Variants in FHOD3 observed in about 807,000 individuals in gnomAD.
FHOD3 encodes the protein formin homology 2 domain containing 3, also known as FH1/FH2 domain-containing protein 3.
A neutral mutation model predicts 173.0 loss-of-function variants in FHOD3; 90 were observed. The ratio of observed to expected loss-of-function variants is 0.52; its 90% CI spans 0.44 to 0.62. The LOEUF (loss-of-function observed/expected upper bound fraction) is 0.62, where lower values mean the gene tolerates loss of function less well. Ranked by LOEUF, FHOD3 falls within the 20% of genes least tolerant of loss-of-function variation. The pLI is 0.00. For synonymous variants in FHOD3, 828 were observed against 823.0 expected, an observed-to-expected ratio of 1.01 and a Z score of -0.10; for missense variants, 1,945 against 2,034.7, an observed-to-expected ratio of 0.96 and a Z score of 0.85.
chr18:36,655,582 T>C (rs2036368012), intron 13 of FHOD3, among the ~76,000 whole-genome samples: 1 of 152,240 alleles, frequency 6.6e-6, no homozygotes, highest in South Asian at 2.1e-4. Context: ...CAGCAGGAAC[T>C]TGGATACTGT....
intron 3 of FHOD3, among the ~76,000 whole-genome samples, chr18:36,419,904 G>A (rs2049899753): frequency 6.6e-6 from 1 of 152,224 alleles, no homozygotes; most frequent in Non-Finnish European, 1.5e-5. Flanking sequence ...TCTGGAGCAT[G>A]GTCTACTGGG....
chr18:36,326,800 C>G (rs1018561347), intron 1 of FHOD3, among the ~76,000 whole-genome samples: 6 of 152,086 alleles, frequency 3.9e-5, no homozygotes, highest in African/African-American at 1.4e-4. Flanking sequence ...AATTGCTATA[C>G]TTCTTGAGAA....
intron 3 of FHOD3, among the ~76,000 whole-genome samples, chr18:36,483,806 G>A (rs1276749618): frequency 6.6e-6 from 1 of 152,204 alleles, no homozygotes; most frequent in African/African-American, 2.4e-5. Context: ...GCCCTCTGGA[G>A]CAGATGTCGA....
At chr18:36,508,669 A>G (rs939772920) in intron 4 of FHOD3, among the ~76,000 whole-genome samples, 8 of 151,156 alleles carry the variant, frequency 5.3e-5, no homozygotes, top group African/African-American at 9.7e-5. Context: ...AAAACAGGTG[A>G]AAGATGCTAG....
chr18:36,729,324 C>CCCCAGGTGCCACCTGCA (rs1192485020), intron 19 of FHOD3, among the ~76,000 whole-genome samples: 7 of 152,164 alleles, frequency 4.6e-5, no homozygotes, highest in African/African-American at 1.7e-4. Flanking sequence ...TCCCACCTGC[C>CCCCAGGTGCCACCTGCA]CCCAGGTGCC....
At chr18:36,488,088 A>G (rs1016414821) in intron 3 of FHOD3, among the ~76,000 whole-genome samples, 1 of 152,042 alleles carries the variant, frequency 6.6e-6, no homozygotes, top group Non-Finnish European at 1.5e-5. Context: ...TTCTGATGCA[A>G]TTTTCTTTGC....
At chr18:36,519,951 T>C (rs2056189775) in intron 5 of FHOD3, among the ~76,000 whole-genome samples, 1 of 101,094 alleles carries the variant, frequency 9.9e-6, no homozygotes, top group Non-Finnish European at 1.8e-5. Flanking sequence ...AAGGCTTTTC[T>C]TTCATTTTTT....
chr18:36,516,630 C>T (rs562611166), intron 5 of FHOD3, among the ~76,000 whole-genome samples: 8 of 152,132 alleles, frequency 5.3e-5, no homozygotes, highest in Non-Finnish European at 8.8e-5. Flanking sequence ...CTGTCATCTC[C>T]GCTACTTGGA....
chr18:36,461,333 A>G (rs1490245646), intron 3 of FHOD3, among the ~76,000 whole-genome samples: 1 of 152,182 alleles, frequency 6.6e-6, no homozygotes, highest in Admixed American at 6.5e-5. Context: ...CTGAAGACTG[A>G]AAGGATTTTT....
Position 36,372,739 on chromosome 18 carries a change from G to C in FHOD3, c.332G>C (p.Cys111Ser). 4 of 1,613,722 alleles carry C rather than the reference G, an allele frequency of 2.5e-6. No homozygotes were observed. Among genetic ancestry groups the C allele is most frequent in the Non-Finnish European group, 2.5e-6 (3 of 1,179,758 alleles). Reference protein sequence around the residue: ...RTQLSVRVHACIEKLYNSSGR... With the variant: ...RTQLSVRVHASIEKLYNSSGR... Reference sequence around the variant, plus strand: ...CAGCTGTCTGTGAGGGTCCATGCCTGCATCGGTGAGTGACACCTGCCCTCA... The same window carrying C: ...CAGCTGTCTGTGAGGGTCCATGCCTCCATCGGTGAGTGACACCTGCCCTCA... The change falls in exon 3 of 29, where the codon TGC becomes TCC. Residue 111 changes from cysteine (C) to serine (S), a missense_variant. This residue lies in a region of FHOD3 where 245 missense variants were observed against 267.7 expected (regional missense o/e 0.92). Coordinates refer to ENST00000590592, the MANE Select transcript of FHOD3 (RefSeq NM_001281740.3).
chr18:36,422,774 A>G (rs1672061652), intron 3 of FHOD3, among the ~76,000 whole-genome samples: 2 of 152,230 alleles, frequency 1.3e-5, no homozygotes, highest in African/African-American at 4.8e-5. Context: ...TCCTTAAGTA[A>G]ACATTTGATA....
intron 3 of FHOD3, among the ~76,000 whole-genome samples, chr18:36,406,514 G>A (rs944492329): frequency 6.6e-6 from 1 of 152,124 alleles, no homozygotes; most frequent in South Asian, 2.1e-4. Context: ...AGAGAGGGAT[G>A]CAAATGCCTT....
At chr18:36,537,619 A>G (rs1386103790) in intron 5 of FHOD3, among the ~76,000 whole-genome samples, 1 of 152,202 alleles carries the variant, frequency 6.6e-6, no homozygotes, top group Non-Finnish European at 1.5e-5. Flanking sequence ...GAAGGACATT[A>G]CATAATGATG....
At chr18:36,748,141 T>C (rs1413605670) in intron 24 of FHOD3, among the ~76,000 whole-genome samples, 1 of 152,184 alleles carries the variant, frequency 6.6e-6, no homozygotes, top group Non-Finnish European at 1.5e-5. Flanking sequence ...CCCTCCAGGT[T>C]GACAACTATC....
chr18:36,340,081 T>C (rs1484941689), intron 1 of FHOD3, among the ~76,000 whole-genome samples: 1 of 152,226 alleles, frequency 6.6e-6, no homozygotes, highest in Non-Finnish European at 1.5e-5. Context: ...TTAGTTTCTT[T>C]ATACATTGTA....
At chr18:36,473,164 C>T (rs1195947263) in intron 3 of FHOD3, among the ~76,000 whole-genome samples, 1 of 152,228 alleles carries the variant, frequency 6.6e-6, no homozygotes, top group Admixed American at 6.5e-5. Context: ...TCCGTAATCC[C>T]AGCACTTTGG....
chr18:36,574,693 A>G (rs2058582457), intron 5 of FHOD3, among the ~76,000 whole-genome samples: 1 of 152,182 alleles, frequency 6.6e-6, no homozygotes, highest in Admixed American at 6.5e-5. Flanking sequence ...ACAATTTTGT[A>G]TCTTATCATT....
rs144658348 is a variant in FHOD3 at position 36,551,932 on chromosome 18, A to C, written c.512-24519A>C. Among the ~76,000 whole-genome samples, 1,522 of 152,298 alleles carry C rather than the reference A, an allele frequency of 1.0e-2. 17 individuals carry two copies. Among genetic ancestry groups the C allele is most frequent in the African/African-American group, 0.034 (1,410 of 41,532 alleles). On this transcript the variant is annotated intron_variant, in intron 5 of 28. Transcript: ENST00000590592. ...GTATAGTTTGAAGTCAGGTAGCGTG[A>C]TGCCTCCAGCTTTGTTCTTTTTGCT...
chr18:36,714,591 A>C (rs1262846835), intron 18 of FHOD3, among the ~76,000 whole-genome samples: 1 of 152,184 alleles, frequency 6.6e-6, no homozygotes, highest in Admixed American at 6.5e-5. Context: ...AAAATAAGAA[A>C]ATGCTCACAT....
Sources: gnomAD v4.1 joint callset for allele counts (sites outside exome capture counted in the v4.1 genomes callset) on GRCh38, gnomAD v4.1.1 for gene constraint, gnomAD v4.1.1 regional missense constraint, MANE v1.5 for transcripts, NCBI Gene and HGNC (gene_info 2026-07-23, HGNC 2026-07-21) for gene names.